Variants in PITPNC1 observed in about 807,000 individuals in gnomAD.
PITPNC1 encodes the protein phosphatidylinositol transfer protein cytoplasmic 1.
Under a neutral mutation model 44.7 loss-of-function variants are expected in PITPNC1, and 18 were observed. That is an observed-to-expected ratio of 0.40 (90% CI 0.28 to 0.60). The LOEUF (loss-of-function observed/expected upper bound fraction) is 0.60, where lower values mean the gene tolerates loss of function less well. Among genes scored for constraint, PITPNC1 ranks in the 20% least tolerant of loss-of-function variants. PITPNC1 has a pLI of 0.39. For synonymous variants in PITPNC1, 141 were observed against 149.6 expected (o/e 0.94, Z 0.42); for missense variants, 290 against 418.4 (o/e 0.69, Z 2.68).
At position 67,697,064 on chromosome 17, in the gene PITPNC1, C is replaced by T. The variant is rs2043021890; in HGVS notation, c.*4176C>T. ...TAAATTAATCCACATACCACTGCCA[C>T]TGCTGAAGGACCAGGTGTTGGAATA... On this transcript the variant is annotated 3_prime_UTR_variant, in exon 9 of 9. Transcript: ENST00000581322. 1 of 152,254 alleles carries T rather than the reference C, an allele frequency of 6.6e-6. No individual in the cohort carries two copies. Among genetic ancestry groups the T allele is most frequent in the Non-Finnish European group, 1.5e-5 (1 of 68,062 alleles). The allele number at this position is 152,254 out of a possible 1,614,324, so 9.4% of individuals were successfully genotyped here.
chr17:67,628,457 T>A (rs577092453), intron 5 of PITPNC1, among the ~76,000 whole-genome samples: 1 of 152,272 alleles, frequency 6.6e-6, no homozygotes, highest in Non-Finnish European at 1.5e-5. Flanking sequence ...TGGGAGCAAC[T>A]ATAAGGATGT....
Position 67,692,923 on chromosome 17 carries a change from C to A in PITPNC1, c.*35C>A. On this transcript the variant is annotated 3_prime_UTR_variant, in exon 9 of 9. Transcript: ENST00000581322. Reference sequence around the variant, plus strand: ...AATATCTCATGGGGTTTTATATTTTCATTTGTTGTTGTTGTTTTTTTTTAA... The same window carrying A: ...AATATCTCATGGGGTTTTATATTTTAATTTGTTGTTGTTGTTTTTTTTTAA... 7.7e-7 allele frequency: 1 copy of A among 1,299,492 alleles called. No individual in the cohort carries two copies. The highest frequency in any genetic ancestry group is 1.3e-5 in the South Asian group (1 of 75,556). The allele number at this position is 1,299,492 out of a possible 1,614,324, so 80.5% of individuals were successfully genotyped here. A position where few individuals can be genotyped will look rare whatever the true frequency, so the allele number is the denominator to read the frequency against.
chr17:67,672,693 AG>A (rs1308416970), intron 7 of PITPNC1, among the ~76,000 whole-genome samples: 1 of 152,102 alleles, frequency 6.6e-6, no homozygotes, highest in Non-Finnish European at 1.5e-5. Flanking sequence ...CAGATGACTC[AG>A]GCTAGTTTTG....
intron 5 of PITPNC1, among the ~76,000 whole-genome samples, chr17:67,631,657 A>AAAAAATATATAT (rs1555574522): frequency 9.1e-4 from 7 of 7,680 alleles, no homozygotes; most frequent in East Asian, 7.5e-3. Flanking sequence ...AAAAAAAAAA[A>AAAAAATATATAT]ATATATATAT....
intron 1 of PITPNC1, among the ~76,000 whole-genome samples, chr17:67,514,660 AC>A (rs764716542): frequency 1.3e-5 from 2 of 151,664 alleles, no homozygotes; most frequent in Admixed American, 6.6e-5. Flanking sequence ...CCCCATCTCT[AC>A]TAAAAAATAC....
chr17:67,564,754 C>G (rs958721785), intron 4 of PITPNC1, among the ~76,000 whole-genome samples: 1 of 152,150 alleles, frequency 6.6e-6, no homozygotes, highest in Non-Finnish European at 1.5e-5. Context: ...TATAGTTACT[C>G]TGGGATGCCA....
At chr17:67,554,560 T>C (rs2040810835) in intron 4 of PITPNC1, among the ~76,000 whole-genome samples, 2 of 152,108 alleles carry the variant, frequency 1.3e-5, no homozygotes, top group African/African-American at 4.8e-5. Flanking sequence ...ACCTGGCTAA[T>C]AGTTATGATT....
chr17:67,599,643 G>C (rs1170494804), intron 5 of PITPNC1, among the ~76,000 whole-genome samples: 3 of 152,154 alleles, frequency 2.0e-5, no homozygotes, highest in Admixed American at 6.5e-5. Flanking sequence ...GAATTTAAAA[G>C]GTCCTGTGAG....
At chr17:67,641,658 G>A (rs2042093768) in intron 6 of PITPNC1, among the ~76,000 whole-genome samples, 1 of 152,140 alleles carries the variant, frequency 6.6e-6, no homozygotes, top group East Asian at 1.9e-4. Flanking sequence ...TTAGCCGGGT[G>A]TGATGGCACA....
At chr17:67,679,622 T>G (rs927940307) in intron 8 of PITPNC1, among the ~76,000 whole-genome samples, 8 of 152,252 alleles carry the variant, frequency 5.3e-5, no homozygotes, top group Non-Finnish European at 1.0e-4. Context: ...CTTCTGAGTT[T>G]CAGCATTTGG....
chr17:67,390,554 G>GT (rs1208636886), intron 1 of PITPNC1, among the ~76,000 whole-genome samples: 3 of 152,204 alleles, frequency 2.0e-5, no homozygotes, highest in African/African-American at 4.8e-5. Context: ...CACATGGCAC[G>GT]TAAGTCCTTT....
intron 5 of PITPNC1, among the ~76,000 whole-genome samples, chr17:67,578,599 G>A (rs1241686513): frequency 2.0e-5 from 3 of 152,180 alleles, no homozygotes; most frequent in Non-Finnish European, 2.9e-5. Context: ...TCTTCTCAAT[G>A]CCTATTAATA....
chr17:67,691,145 T>TA (rs1347205619), intron 8 of PITPNC1, among the ~76,000 whole-genome samples: 1 of 151,776 alleles, frequency 6.6e-6, no homozygotes, highest in Non-Finnish European at 1.5e-5. Context: ...ACAGTAATAA[T>TA]AGAGTTTCTG....
At chr17:67,581,510 G>T (rs2041233558) in intron 5 of PITPNC1, among the ~76,000 whole-genome samples, 1 of 152,154 alleles carries the variant, frequency 6.6e-6, no homozygotes, top group African/African-American at 2.4e-5. Flanking sequence ...CTGCCATCTT[G>T]TTACACTAAA....
chr17:67,638,373 A>G (rs2042056925), intron 6 of PITPNC1: 1 of 152,280 alleles, frequency 6.6e-6, no homozygotes, highest in Non-Finnish European at 1.5e-5. Context: ...GTTCAAGTCC[A>G]GTACTTTCTC....
chr17:67,423,780 GA>G (rs910756996), intron 1 of PITPNC1, among the ~76,000 whole-genome samples: 7 of 152,156 alleles, frequency 4.6e-5, no homozygotes, highest in African/African-American at 1.7e-4. Flanking sequence ...AGCAGTTACA[GA>G]TTTCTGTCCT....
At chr17:67,413,384 C>T (rs2038533489) in intron 1 of PITPNC1, among the ~76,000 whole-genome samples, 1 of 81,624 alleles carries the variant, frequency 1.2e-5, no homozygotes. Flanking sequence ...AGAAAAAGCA[C>T]TTTATAATGT....
chr17:67,525,230 T>C (rs560214358), intron 1 of PITPNC1: 1 of 152,266 alleles, frequency 6.6e-6, no homozygotes, highest in East Asian at 1.9e-4. Context: ...CAGATCTAGA[T>C]GAACAGCTGA....
At chr17:67,614,011 A>C (rs1349707923) in intron 5 of PITPNC1, among the ~76,000 whole-genome samples, 3 of 147,836 alleles carry the variant, frequency 2.0e-5, no homozygotes, top group Non-Finnish European at 4.5e-5. Flanking sequence ...ACCTGAGCCT[A>C]GGGAGGTTGA....
Sources: allele counts gnomAD v4.1 joint callset (sites outside exome capture counted in the v4.1 genomes callset), GRCh38; gene constraint gnomAD v4.1.1; transcripts MANE v1.5; gene names NCBI Gene and HGNC (gene_info 2026-07-23, HGNC 2026-07-21).